RBFOX1: variants seen among roughly 807,000 people sequenced by gnomAD.
RBFOX1 encodes RNA binding fox-1 homolog 1, also known as RNA binding protein fox-1 homolog 1.
RBFOX1 carries 8 observed loss-of-function variants against 57.7 expected under a neutral mutation model. The observed-to-expected ratio is 0.14, with a 90% CI of 0.08 to 0.25. The LOEUF (loss-of-function observed/expected upper bound fraction) is 0.25. Ranked by LOEUF, RBFOX1 falls within the 10% of genes least tolerant of loss-of-function variation. The probability of loss-of-function intolerance (pLI) is 1.00; values close to 1 mark genes in which losing one functional copy is unlikely to be tolerated. For synonymous variants in RBFOX1, 326 were observed against 222.4 expected, an observed-to-expected ratio of 1.47 and a Z score of -4.15; for missense variants, 611 against 548.5, an observed-to-expected ratio of 1.11 and a Z score of -1.14.
intron 3 of RBFOX1, among the ~76,000 whole-genome samples, chr16:7,048,370 C>T (rs975743879): frequency 2.6e-5 from 4 of 152,086 alleles, no homozygotes; most frequent in Non-Finnish European, 5.9e-5. Context: ...AGCAATTTTC[C>T]TGCCTCAGCC....
chr16:7,270,758 T>TC (rs1316986353), intron 4 of RBFOX1, among the ~76,000 whole-genome samples: 1 of 152,242 alleles, frequency 6.6e-6, no homozygotes, highest in Non-Finnish European at 1.5e-5. Flanking sequence ...CACTGATGCT[T>TC]CACCTTGCAT....
At chr16:7,655,667 A>G (rs2066131476) in intron 12 of RBFOX1, among the ~76,000 whole-genome samples, 1 of 152,232 alleles carries the variant, frequency 6.6e-6, no homozygotes, top group Non-Finnish European at 1.5e-5. Context: ...TAATTACTAA[A>G]GCAAGATTTG....
rs539313210 is a variant in RBFOX1, at chr16:7,379,937, C to T, written c.28-138210C>T. On this transcript the variant is annotated intron_variant, in intron 4 of 15. Transcript: ENST00000550418. ...GCACCATCATATCTCACCCCACAGC[C>T]TTGGCCTCCTGGGTTCAAGCACAAT... Among the ~76,000 whole-genome samples the T allele has an allele frequency of 4.8e-4, 73 of 152,254 alleles. 3 individuals are homozygous for T. The South Asian group carries it at 0.015, about 31-fold the overall frequency.
intron 2 of RBFOX1, among the ~76,000 whole-genome samples, chr16:6,397,900 A>T (rs2092906032): frequency 6.6e-6 from 1 of 152,212 alleles, no homozygotes. Context: ...TACGGAAGGA[A>T]CTAAAATGAA....
chr16:7,695,500 A>G (rs2078511054), intron 14 of RBFOX1, among the ~76,000 whole-genome samples: 1 of 151,990 alleles, frequency 6.6e-6, no homozygotes, highest in Non-Finnish European at 1.5e-5. Context: ...TAAAAATACA[A>G]AAATTAGCCG....
At chr16:6,364,507 C>T (rs2089209504) in intron 2 of RBFOX1, among the ~76,000 whole-genome samples, 1 of 152,144 alleles carries the variant, frequency 6.6e-6, no homozygotes, top group Non-Finnish European at 1.5e-5. Flanking sequence ...CTGTTGGTCC[C>T]TGAGTGGTAC....
At chr16:5,571,759 G>A in intron 2 of RBFOX1, among the ~76,000 whole-genome samples, 1 of 152,112 alleles carries the variant, frequency 6.6e-6, no homozygotes, top group South Asian at 2.1e-4. Flanking sequence ...AAATACGAAG[G>A]GAGCTAGAAG....
chr16:7,374,797 C>A (rs1175540163), intron 4 of RBFOX1, among the ~76,000 whole-genome samples: 1 of 152,196 alleles, frequency 6.6e-6, no homozygotes, highest in African/African-American at 2.4e-5. Flanking sequence ...CCTAGAGTTA[C>A]CGCCATGAGG....
intron 2 of RBFOX1, among the ~76,000 whole-genome samples, chr16:5,476,254 A>G (rs2069319427): frequency 6.6e-6 from 1 of 152,184 alleles, no homozygotes; most frequent in South Asian, 2.1e-4. Flanking sequence ...CATGTCATAT[A>G]CCATGAATAT....
chr16:6,134,687 T>G (rs1177710088), intron 1 of RBFOX1, among the ~76,000 whole-genome samples: 1 of 151,552 alleles, frequency 6.6e-6, no homozygotes, highest in Non-Finnish European at 1.5e-5. Flanking sequence ...CAGAGTATTT[T>G]TTTTTTTTGA....
intron 3 of RBFOX1, among the ~76,000 whole-genome samples, chr16:6,903,258 G>A (rs113293838): frequency 2.3e-4 from 35 of 152,272 alleles, no homozygotes; most frequent in African/African-American, 7.2e-4. Flanking sequence ...TGTAGCTGCC[G>A]CCAGGGGAGC....
At chr16:6,852,019 G>A (rs1023377445) in intron 3 of RBFOX1, among the ~76,000 whole-genome samples, 6 of 149,742 alleles carry the variant, frequency 4.0e-5, no homozygotes, top group South Asian at 2.1e-4. Context: ...TCCATCTCCC[G>A]GGTTCATGCC....
intron 4 of RBFOX1, among the ~76,000 whole-genome samples, chr16:5,907,982 C>G (rs1440358157): frequency 1.3e-5 from 2 of 151,556 alleles, no homozygotes; most frequent in Admixed American, 6.6e-5. Context: ...AACTGCTGAC[C>G]TCAAGTTCTC....
intron 2 of RBFOX1, among the ~76,000 whole-genome samples, chr16:5,577,200 A>G (rs1450584494): frequency 2.0e-5 from 3 of 152,330 alleles, no homozygotes; most frequent in African/African-American, 4.8e-5. Flanking sequence ...GTTCTCCTAC[A>G]GAAGACAGCA....
chr16:6,691,221 G>A (rs964176184), intron 3 of RBFOX1, among the ~76,000 whole-genome samples: 1 of 152,140 alleles, frequency 6.6e-6, no homozygotes, highest in East Asian at 1.9e-4. Context: ...ATCAGAGGAT[G>A]GTTTTCTGTC....
chr16:6,957,116 TTTTA>T (rs59003078), intron 3 of RBFOX1, among the ~76,000 whole-genome samples: 25 of 139,250 alleles, frequency 1.8e-4, no homozygotes, highest in East Asian at 8.1e-4. Flanking sequence ...TTATTTTTAT[TTTTA>T]TTTATTTATT....
At chr16:7,020,059 C>G (rs1025943074) in intron 3 of RBFOX1, among the ~76,000 whole-genome samples, 7 of 151,572 alleles carry the variant, frequency 4.6e-5, no homozygotes, top group African/African-American at 1.7e-4. Flanking sequence ...CTTAGGTGAA[C>G]CTTTCATGTC....
chr16:5,335,610 G>A (rs137963214), intron 1 of RBFOX1, among the ~76,000 whole-genome samples: 1 of 152,298 alleles, frequency 6.6e-6, no homozygotes, highest in African/African-American at 2.4e-5. Context: ...TTGCACATGA[G>A]CGAGCAGATT....
intron 3 of RBFOX1, among the ~76,000 whole-genome samples, chr16:5,830,972 C>G (rs970527508): frequency 3.3e-5 from 5 of 152,150 alleles, no homozygotes; most frequent in Non-Finnish European, 7.4e-5. Context: ...TCCTATCCCC[C>G]CCCAACTCTG....
Sources: gnomAD v4.1 joint callset for allele counts (sites outside exome capture counted in the v4.1 genomes callset) on GRCh38, gnomAD v4.1.1 for gene constraint, MANE v1.5 for transcripts, NCBI Gene and HGNC (gene_info 2026-07-23, HGNC 2026-07-21) for gene names.